The following ASTN2 variants were observed in gnomAD, a reference collection of about 807,000 sequenced individuals.
ASTN2 encodes astrotactin 2, also known as astrotactin-2.
ASTN2 carries 54 observed loss-of-function variants against 139.8 expected under a neutral mutation model. The observed-to-expected ratio is 0.39, with a 90% CI of 0.31 to 0.48. The LOEUF is 0.48. Ranked by LOEUF, ASTN2 falls within the 20% of genes least tolerant of loss-of-function variation. ASTN2 has a pLI of 0.95. For synonymous variants in ASTN2, 756 were observed against 719.5 expected (o/e 1.05, Z -0.81); for missense variants, 1,565 against 1,725.1 (o/e 0.91, Z 1.64).
At chr9:117,047,397 G>A (rs1838777783) in intron 5 of ASTN2, among the ~76,000 whole-genome samples, 1 of 152,026 alleles carries the variant, frequency 6.6e-6, no homozygotes, top group Non-Finnish European at 1.5e-5. Context: ...CTCTTGTGCT[G>A]TCTGACTACG....
At chr9:116,596,873 T>TAGAGG (rs1255849933) in intron 19 of ASTN2, among the ~76,000 whole-genome samples, 1 of 152,022 alleles carries the variant, frequency 6.6e-6, no homozygotes, top group Admixed American at 6.6e-5. Context: ...AGGGAATCAC[T>TAGAGG]AGAGGAAAGG....
intron 1 of ASTN2, among the ~76,000 whole-genome samples, chr9:117,320,329 T>C (rs1236831471): frequency 6.6e-6 from 1 of 152,226 alleles, no homozygotes; most frequent in Non-Finnish European, 1.5e-5. Flanking sequence ...TCTGCATTTA[T>C]TCAGCTTCTG....
At chr9:116,696,898 G>T (rs1860883300) in intron 16 of ASTN2, among the ~76,000 whole-genome samples, 1 of 148,120 alleles carries the variant, frequency 6.8e-6, no homozygotes, top group Non-Finnish European at 1.5e-5. Context: ...TTCTGCTTCT[G>T]TGGATGATTC....
chr9:117,264,056 A>T (rs1833886684), intron 2 of ASTN2, among the ~76,000 whole-genome samples: 1 of 152,152 alleles, frequency 6.6e-6, no homozygotes, highest in South Asian at 2.1e-4. Flanking sequence ...ATAAATAAAT[A>T]AATATTTAAA....
chr9:117,089,504 A>AT (rs1391266552), intron 5 of ASTN2, among the ~76,000 whole-genome samples: 3 of 112,956 alleles, frequency 2.7e-5, no homozygotes, highest in Middle Eastern at 6.7e-3. Flanking sequence ...TCTTTTATTT[A>AT]TTTTTTGTGT....
intron 5 of ASTN2, among the ~76,000 whole-genome samples, chr9:117,059,483 C>G (rs2132682174): frequency 6.6e-6 from 1 of 152,066 alleles, no homozygotes; most frequent in African/African-American, 2.4e-5. Context: ...CATGGTGATG[C>G]ACGCCTGTAA....
intron 22 of ASTN2, among the ~76,000 whole-genome samples, chr9:116,428,720 C>T (rs1847391371): frequency 6.6e-6 from 1 of 152,148 alleles, no homozygotes; most frequent in Admixed American, 6.5e-5. Flanking sequence ...AGAACACCGA[C>T]TACTCAGGTT....
intron 19 of ASTN2, chr9:116,582,811 C>T (rs1307348811): frequency 8.5e-5 from 13 of 152,236 alleles, no homozygotes; most frequent in Admixed American, 5.9e-4. Flanking sequence ...TTACGATCCT[C>T]AAAAGGCTTC....
intron 10 of ASTN2, among the ~76,000 whole-genome samples, chr9:116,894,892 C>A (rs187400337): frequency 6.6e-6 from 1 of 152,168 alleles, no homozygotes; most frequent in Admixed American, 6.5e-5. Flanking sequence ...TAAGGCTCCA[C>A]AATAGATACT....
intron 10 of ASTN2, among the ~76,000 whole-genome samples, chr9:116,904,826 C>G (rs1834111538): frequency 1.3e-5 from 2 of 152,184 alleles, no homozygotes; most frequent in South Asian, 4.2e-4. Context: ...ATGAACATCT[C>G]TCAATCTTTC....
intron 17 of ASTN2, among the ~76,000 whole-genome samples, chr9:116,623,546 G>A (rs1426282217): frequency 1.3e-5 from 2 of 152,106 alleles, no homozygotes; most frequent in Non-Finnish European, 2.9e-5. Flanking sequence ...ATTAGATCCC[G>A]GGGGAGGAAA....
chr9:117,116,773 A>C (rs1829402795), intron 4 of ASTN2, among the ~76,000 whole-genome samples: 1 of 132,124 alleles, frequency 7.6e-6, no homozygotes. Flanking sequence ...GTTCCTAAAA[A>C]GTCTCTCTGT....
chr9:116,540,497 T>C (rs1317699005), intron 19 of ASTN2: 1 of 152,242 alleles, frequency 6.6e-6, no homozygotes, highest in Non-Finnish European at 1.5e-5. Flanking sequence ...ACTTCGGGCC[T>C]GTGGTCAAAA....
At chr9:117,378,140 T>C (rs1830173402) in intron 1 of ASTN2, among the ~76,000 whole-genome samples, 1 of 152,186 alleles carries the variant, frequency 6.6e-6, no homozygotes, top group South Asian at 2.1e-4. Context: ...TTTCCACAGG[T>C]GATGAGAACA....
intron 1 of ASTN2, among the ~76,000 whole-genome samples, chr9:117,403,870 G>A (rs138955967): frequency 2.0e-5 from 3 of 152,238 alleles, no homozygotes; most frequent in Middle Eastern, 3.4e-3. Flanking sequence ...AGCTCCAAGA[G>A]AATGAGCAGA....
chr9:117,341,265 T>C (rs960316611), intron 1 of ASTN2, among the ~76,000 whole-genome samples: 2 of 152,156 alleles, frequency 1.3e-5, no homozygotes, highest in Non-Finnish European at 2.9e-5. Context: ...TCGTTTTTTT[T>C]CCTGGTTGCT....
chr9:116,462,908 C>T (rs1159406693), intron 20 of ASTN2, among the ~76,000 whole-genome samples: 4 of 151,792 alleles, frequency 2.6e-5, no homozygotes, highest in Non-Finnish European at 5.9e-5. Context: ...CACTGGATAT[C>T]TCCTTTGGAT....
intron 5 of ASTN2, among the ~76,000 whole-genome samples, chr9:117,060,536 A>AGG (rs1564406857): frequency 2.3e-5 from 3 of 130,796 alleles, no homozygotes; most frequent in African/African-American, 6.8e-5. Flanking sequence ...GAAGGAAGGA[A>AGG]AGAAAGAAAG....
At chr9:116,877,558 A>T (rs1454014495) in intron 10 of ASTN2, among the ~76,000 whole-genome samples, 1 of 152,212 alleles carries the variant, frequency 6.6e-6, no homozygotes, top group African/African-American at 2.4e-5. Context: ...ATACAGTAAG[A>T]TCATATGGCA....
Sources: allele counts gnomAD v4.1 joint callset (sites outside exome capture counted in the v4.1 genomes callset), GRCh38; gene constraint gnomAD v4.1.1; transcripts MANE v1.5; gene names NCBI Gene and HGNC (gene_info 2026-07-23, HGNC 2026-07-21).